ADGRG6: variants seen among roughly 807,000 people sequenced by gnomAD.
The protein encoded by ADGRG6 is adhesion G protein-coupled receptor G6, also known as G-protein coupled receptor 126.
Under a neutral mutation model 142.4 loss-of-function variants are expected in ADGRG6, and 84 were observed. That is an observed-to-expected ratio of 0.59 (90% CI 0.49 to 0.71). ADGRG6 has a LOEUF of 0.71. Among genes scored for constraint, ADGRG6 ranks in the 30% least tolerant of loss-of-function variants. The pLI is 0.00. For missense variants in ADGRG6, 1,367 were observed against 1,466.6 expected (o/e 0.93, Z 1.11); for synonymous variants, 521 against 520.5 (o/e 1.00, Z -0.01).
intron 6 of ADGRG6, among the ~76,000 whole-genome samples, chr6:142,385,905 C>T (rs1484297843): frequency 6.6e-6 from 1 of 152,132 alleles, no homozygotes; most frequent in African/African-American, 2.4e-5. Context: ...TAAAGATTCT[C>T]AGGCTTACAT....
chr6:142,343,222 T>C (rs1486107089), intron 2 of ADGRG6, among the ~76,000 whole-genome samples: 1 of 151,784 alleles, frequency 6.6e-6, no homozygotes, highest in Non-Finnish European at 1.5e-5. Context: ...ATTTTTCATA[T>C]TCATGACAAA....
intron 22 of ADGRG6, among the ~76,000 whole-genome samples, chr6:142,429,344 T>C (rs935506974): frequency 7.2e-5 from 11 of 152,220 alleles, no homozygotes; most frequent in Admixed American, 1.3e-4. Flanking sequence ...AATACACATA[T>C]TGAATTGGTG....
chr6:142,407,171 A>C (rs943399525), intron 15 of ADGRG6, among the ~76,000 whole-genome samples: 1 of 53,464 alleles, frequency 1.9e-5, no homozygotes, highest in East Asian at 6.5e-4. Flanking sequence ...CCGTCTCTTT[A>C]AAAAAAAAAA....
Position 142,438,345 on chromosome 6 carries a change from C to T in ADGRG6, c.3555C>T (p.Phe1185=). 6.2e-7 allele frequency: 1 copy of T among 1,608,416 alleles called. No homozygotes were observed. Among genetic ancestry groups the T allele is most frequent in the South Asian group, 1.1e-5 (1 of 90,100 alleles). ...CTAAATCCAGCTCTACCACCTATTT[C>T]AAAAGGAATAGCCACACAGGTGAGT... ...SKSKSSSTTY[F]KRNSHTDSAS... is the part of the protein sequence containing the mutation. Residue 1185 remains phenylalanine, a synonymous_variant, in exon 24 of 25, where the codon TTC becomes TTT. Transcript: ENST00000367609.
At chr6:142,404,119 G>A (rs1288314729) in intron 14 of ADGRG6, 146 bp downstream of exon 14, 8 of 663,374 alleles carry the variant, frequency 1.2e-5, no homozygotes, top group Admixed American at 1.1e-4. Flanking sequence ...TAGAGCAGTA[G>A]CCATAAAGTA....
Position 142,402,791 on chromosome 6 carries a change from T to G in ADGRG6, c.1916T>G (p.Leu639Ter). Residue 639 changes from leucine to a stop codon, truncating the protein, a stop_gained, in exon 13 of 25, where the codon TTA becomes TGA. Transcript: ENST00000367609. LOFTEE classifies it high-confidence loss of function. Reference protein sequence around the residue: ...STLMNIFSNILSSSDSDLLES... With the variant: ...STLMNIFSNI ...CTAATGAATATATTTTCTAATATCT[T>G]AAGCAGTTCAGACAGTGACTTGCTT... is the stretch of plus-strand genomic sequence containing the variant. 6.2e-7 allele frequency: 1 copy of G among 1,602,636 alleles called. No homozygotes were observed. The highest frequency in any genetic ancestry group is 2.2e-5 in the East Asian group (1 of 44,686).
intron 18 of ADGRG6, among the ~76,000 whole-genome samples, chr6:142,412,991 G>A (rs867956452): frequency 6.6e-6 from 1 of 151,248 alleles, no homozygotes; most frequent in South Asian, 2.1e-4. Flanking sequence ...TTGTAATTAC[G>A]CATTATTTTT....
chr6:142,421,499 T>C (rs1221451690), intron 22 of ADGRG6, among the ~76,000 whole-genome samples: 1 of 152,194 alleles, frequency 6.6e-6, no homozygotes, highest in Non-Finnish European at 1.5e-5. Context: ...TAATCTCTTC[T>C]ATAATATACA....
chr6:142,341,737 A>C (rs1779669024), intron 2 of ADGRG6, among the ~76,000 whole-genome samples: 1 of 145,180 alleles, frequency 6.9e-6, no homozygotes, highest in Admixed American at 7.3e-5. Context: ...CCACTGAGTA[A>C]CTATGCAGAC....
At chr6:142,426,065 T>C (rs2092893779) in intron 22 of ADGRG6, among the ~76,000 whole-genome samples, 2 of 152,098 alleles carry the variant, frequency 1.3e-5, no homozygotes. Flanking sequence ...AGCCAAACCA[T>C]ATTATTCAAC....
chr6:142,302,599 A>G, intron 1 of ADGRG6: 2 of 458,204 alleles, frequency 4.4e-6, no homozygotes, highest in Admixed American at 8.0e-5. Flanking sequence ...AAAGCCTAAT[A>G]AGAAGGGCAG....
At chr6:142,385,747 GT>G (rs144444688) in intron 6 of ADGRG6, among the ~76,000 whole-genome samples, 2,528 of 151,956 alleles carry the variant, frequency 0.017, 74 homozygotes, top group African/African-American at 0.057. Flanking sequence ...ACTATATTAA[GT>G]TTTTTTTCTT....
chr6:142,446,087 T>C lies in ADGRG6; in HGVS notation c.*2572T>C, dbSNP rs766825664. Reference sequence around the variant, plus strand: ...CTATTAGAGAGACTGTATATATTTTTTCTAAATACTTTGTGAAATCATTTT... The same window carrying C: ...CTATTAGAGAGACTGTATATATTTTCTCTAAATACTTTGTGAAATCATTTT... On this transcript the variant is annotated 3_prime_UTR_variant, in exon 25 of 25. Transcript: ENST00000367609. The C allele has an allele frequency of 2.0e-5, 3 of 152,622 alleles. No homozygotes were observed. Among genetic ancestry groups the C allele is most frequent in the Non-Finnish European group, 2.9e-5 (2 of 68,030 alleles). 9.5% of individuals were successfully genotyped at this position (152,622 alleles called of 1,614,324 possible).
At chr6:142,371,071 G>A (rs1222571321) in intron 4 of ADGRG6, 2 of 358,624 alleles carry the variant, frequency 5.6e-6, no homozygotes, top group Non-Finnish European at 1.0e-5. Context: ...ATATCACAGA[G>A]TTTATCACGA....
At chr6:142,367,958 T>G in intron 3 of ADGRG6, 48 bp downstream of exon 3, 1 of 1,047,208 alleles carries the variant, frequency 9.5e-7, no homozygotes, top group Non-Finnish European at 1.4e-6. Flanking sequence ...ATTTAACATG[T>G]TCTGCAGTAA....
intron 18 of ADGRG6, among the ~76,000 whole-genome samples, chr6:142,414,183 C>T (rs1378907310): frequency 6.6e-6 from 1 of 152,076 alleles, no homozygotes; most frequent in Admixed American, 6.6e-5. Flanking sequence ...ATTCCTATCC[C>T]AATCCCCCAT....
rs925894621 is a variant in ADGRG6, at chr6:142,416,177, A to G, written c.2938+113A>G. 2.6e-4 allele frequency: 185 copies of G among 719,564 alleles called. 1 individual carries two copies. Among genetic ancestry groups the G allele is most frequent in the Non-Finnish European group, 1.6e-4 (70 of 439,448 alleles). 44.6% of individuals were successfully genotyped at this position (719,564 alleles called of 1,614,324 possible). On this transcript the variant is annotated intron_variant, in intron 20 of 24. Coordinates refer to ENST00000367609, the MANE Select transcript of ADGRG6 (RefSeq NM_198569.3). ...TAGTACCATTAAGAGGAACCTCAAA[A>G]TTGTGAATGGCATGGATTAGATATA...
At chr6:142,377,281 A>T (rs544792778) in intron 4 of ADGRG6, among the ~76,000 whole-genome samples, 1 of 152,370 alleles carries the variant, frequency 6.6e-6, no homozygotes, top group African/African-American at 2.4e-5. Context: ...CAGCAAAGTG[A>T]GACGGAGGCC....
intron 22 of ADGRG6, among the ~76,000 whole-genome samples, chr6:142,433,102 GTTAC>G (rs1267942789): frequency 6.6e-6 from 1 of 152,174 alleles, no homozygotes; most frequent in African/African-American, 2.4e-5. Flanking sequence ...AGAATACACA[GTTAC>G]TTATATTTCT....
Sources: allele counts gnomAD v4.1 joint callset (sites outside exome capture counted in the v4.1 genomes callset), GRCh38; gene constraint gnomAD v4.1.1; transcripts MANE v1.5; gene names NCBI Gene and HGNC (gene_info 2026-07-23, HGNC 2026-07-21).